ANGPT1: variants seen among roughly 807,000 people sequenced by gnomAD.
The protein encoded by ANGPT1 is angiopoietin-1.
A neutral mutation model predicts 62.2 loss-of-function variants in ANGPT1; 17 were observed. The observed-to-expected ratio is 0.27, with a 90% confidence interval of 0.19 to 0.41. ANGPT1 has a LOEUF of 0.41. Among genes scored for constraint, ANGPT1 ranks in the 10% least tolerant of loss-of-function variants. The pLI, the probability that ANGPT1 is intolerant of heterozygous loss-of-function variation, is 1.00. For synonymous variants in ANGPT1, 199 were observed against 198.9 expected (o/e 1.00, Z 0.00); for missense variants, 478 against 594.9 (o/e 0.80, Z 2.04).
chr8:107,467,774 A>G (rs1812242535), intron 1 of ANGPT1, among the ~76,000 whole-genome samples: 1 of 152,160 alleles, frequency 6.6e-6, no homozygotes, highest in Admixed American at 6.6e-5. Flanking sequence ...GGAAATGTTA[A>G]GGAGGTAAAA....
chr8:107,401,519 T>C (rs1314279539), intron 1 of ANGPT1, among the ~76,000 whole-genome samples: 1 of 152,172 alleles, frequency 6.6e-6, no homozygotes, highest in Non-Finnish European at 1.5e-5. Flanking sequence ...GATGAGATAA[T>C]ACACTAAAGA....
intron 1 of ANGPT1, among the ~76,000 whole-genome samples, chr8:107,444,895 G>A (rs1289218372): frequency 6.6e-6 from 1 of 152,148 alleles, no homozygotes; most frequent in Non-Finnish European, 1.5e-5. Flanking sequence ...AAAACCCGGG[G>A]AGTGAACTAT....
chr8:107,285,649 G>A (rs1246177353), intron 6 of ANGPT1, among the ~76,000 whole-genome samples: 1 of 151,926 alleles, frequency 6.6e-6, no homozygotes. Flanking sequence ...TAGTTTCTTT[G>A]TAGGGAGAAA....
Position 107,251,887 on chromosome 8 carries a change from T to C in ANGPT1, c.1465A>G (p.Thr489Ala), listed in dbSNP as rs1813255949. 6.2e-7 allele frequency: 1 copy of C among 1,613,870 alleles called. No homozygotes were observed. The highest frequency in any genetic ancestry group is 1.3e-5 in the African/African-American group (1 of 74,918). Residue 489 changes from threonine to alanine, a missense_variant, in exon 9 of 9, where the codon ACA becomes GCA. Physicochemically the swap from Thr to Ala is moderately conservative, Grantham distance 58 (BLOSUM62 0). This residue lies in a region of ANGPT1 where 35 missense variants were observed against 49.6 expected (regional missense o/e 0.71). Transcript: ENST00000517746. ...TCTAAAGGTCGAATCATCATAGTTG[T>C]GGAACGTAAGGAGTAACTGGGCCCT... The part of the protein sequence containing the change: ...FKGPSYSLRS[T>A]TMMIRPLDF
intron 7 of ANGPT1, among the ~76,000 whole-genome samples, chr8:107,281,173 T>C (rs1464110285): frequency 1.3e-5 from 2 of 152,162 alleles, no homozygotes; most frequent in South Asian, 2.1e-4. Context: ...CACAACACTT[T>C]CTTTTAATTA....
At chr8:107,353,397 G>A (rs1022951062) in intron 1 of ANGPT1, among the ~76,000 whole-genome samples, 1 of 152,056 alleles carries the variant, frequency 6.6e-6, no homozygotes. Context: ...AATGGCTGTC[G>A]GTACCTTAGA....
chr8:107,363,016 C>A (rs568381105), intron 1 of ANGPT1, among the ~76,000 whole-genome samples: 3 of 151,312 alleles, frequency 2.0e-5, no homozygotes, highest in African/African-American at 7.3e-5. Flanking sequence ...TAGAATGTTG[C>A]GGCATGAAGA....
intron 7 of ANGPT1, among the ~76,000 whole-genome samples, chr8:107,282,553 C>CATATGTAT: frequency 2.0e-5 from 1 of 51,076 alleles, no homozygotes; most frequent in South Asian, 8.7e-4. Flanking sequence ...ATATATGAAC[C>CATATGTAT]ATATATATAT....
At chr8:107,463,807 A>G (rs2130482175) in intron 1 of ANGPT1, among the ~76,000 whole-genome samples, 1 of 152,282 alleles carries the variant, frequency 6.6e-6, no homozygotes, top group South Asian at 2.1e-4. Flanking sequence ...CTTAAAAGCT[A>G]CATAAGGATT....
chr8:107,395,236 A>G (rs1311116837), intron 1 of ANGPT1, among the ~76,000 whole-genome samples: 1 of 152,006 alleles, frequency 6.6e-6, no homozygotes, highest in Admixed American at 6.6e-5. Context: ...ATAGGACTGG[A>G]CTCCATGACC....
chr8:107,367,594 A>T (rs1215219611), intron 1 of ANGPT1, among the ~76,000 whole-genome samples: 2 of 152,172 alleles, frequency 1.3e-5, no homozygotes, highest in Non-Finnish European at 2.9e-5. Context: ...GGGGAAAGTT[A>T]TACTGTTTGG....
intron 3 of ANGPT1, among the ~76,000 whole-genome samples, chr8:107,324,676 G>A (rs747131546): frequency 9.2e-5 from 14 of 152,276 alleles, no homozygotes; most frequent in Non-Finnish European, 1.5e-4. Flanking sequence ...ACTTGTACTC[G>A]AAGAATATGG....
chr8:107,459,498 C>T (rs1586340789), intron 1 of ANGPT1, among the ~76,000 whole-genome samples: 1 of 84,760 alleles, frequency 1.2e-5, no homozygotes, highest in Admixed American at 1.1e-4. Context: ...CAAACAACAA[C>T]AACAACAACA....
intron 1 of ANGPT1, among the ~76,000 whole-genome samples, chr8:107,426,498 T>C (rs1811046153): frequency 6.6e-6 from 1 of 152,218 alleles, no homozygotes; most frequent in Admixed American, 6.5e-5. Flanking sequence ...AAAAAGATGA[T>C]TGCAGAGTGG....
intron 7 of ANGPT1, among the ~76,000 whole-genome samples, chr8:107,283,522 T>G (rs996872664): frequency 6.6e-6 from 1 of 151,670 alleles, no homozygotes; most frequent in South Asian, 2.1e-4. Flanking sequence ...ATTCAAACTT[T>G]TAAAAAATTA....
At chr8:107,393,562 C>T (rs1346816419) in intron 1 of ANGPT1, among the ~76,000 whole-genome samples, 1 of 152,138 alleles carries the variant, frequency 6.6e-6, no homozygotes, top group Non-Finnish European at 1.5e-5. Flanking sequence ...GTAATCCTAG[C>T]ACTTTGGGAG....
At chr8:107,486,150 A>G (rs535794019) in intron 1 of ANGPT1, among the ~76,000 whole-genome samples, 1 of 152,234 alleles carries the variant, frequency 6.6e-6, no homozygotes. Context: ...TTAGTATGAA[A>G]GAATTAAGGG....
At chr8:107,425,797 T>C (rs908252094) in intron 1 of ANGPT1, among the ~76,000 whole-genome samples, 1 of 152,096 alleles carries the variant, frequency 6.6e-6, no homozygotes, top group African/African-American at 2.4e-5. Flanking sequence ...GTTTCCAAGC[T>C]CTTGTCCAAC....
At chr8:107,380,375 G>A (rs1391426110) in intron 1 of ANGPT1, among the ~76,000 whole-genome samples, 2 of 151,762 alleles carry the variant, frequency 1.3e-5, no homozygotes, top group African/African-American at 4.8e-5. Flanking sequence ...GTGTGTGTGT[G>A]TGTGTGTGTG....
Sources: gnomAD v4.1 joint callset for allele counts (sites outside exome capture counted in the v4.1 genomes callset) on GRCh38, gnomAD v4.1.1 for gene constraint, gnomAD v4.1.1 regional missense constraint, MANE v1.5 for transcripts, NCBI Gene and HGNC (gene_info 2026-07-23, HGNC 2026-07-21) for gene names.